Variants in SORCS3 observed in about 807,000 individuals in gnomAD.
The protein encoded by SORCS3 is VPS10 domain-containing receptor SorCS3.
A neutral mutation model predicts 146.3 loss-of-function variants in SORCS3; 57 were observed. The observed-to-expected ratio is 0.39, with a 90% CI of 0.31 to 0.49. The LOEUF is 0.49. Among genes scored for constraint, SORCS3 ranks in the 20% least tolerant of loss-of-function variants. The pLI, the probability that SORCS3 is intolerant of heterozygous loss-of-function variation, is 0.92. For missense variants in SORCS3, 1,341 were observed against 1,575.5 expected (o/e 0.85, Z 2.52); for synonymous variants, 653 against 618.5 (o/e 1.06, Z -0.83).
At chr10:105,121,123 A>G (rs1383925317) in intron 7 of SORCS3, among the ~76,000 whole-genome samples, 3 of 152,166 alleles carry the variant, frequency 2.0e-5, no homozygotes, top group African/African-American at 7.2e-5. Context: ...CTCTTTCACT[A>G]TTTGGAAATC....
At chr10:105,070,806 A>T (rs888926434) in intron 5 of SORCS3, among the ~76,000 whole-genome samples, 1 of 152,236 alleles carries the variant, frequency 6.6e-6, no homozygotes, top group African/African-American at 2.4e-5. Flanking sequence ...TAAAAATGGC[A>T]ATTTGTCAGG....
chr10:105,078,547 T>C (rs1266338535), intron 5 of SORCS3, among the ~76,000 whole-genome samples: 1 of 152,190 alleles, frequency 6.6e-6, no homozygotes, highest in Non-Finnish European at 1.5e-5. Flanking sequence ...TATTACTATC[T>C]CAAAGTTTGT....
chr10:104,795,699 A>G lies in SORCS3; in HGVS notation c.628-47093A>G, dbSNP rs2017546973. On this transcript the variant is annotated intron_variant, in intron 1 of 26. Transcript: ENST00000369701. Reference sequence around the variant, plus strand: ...CTAAGGGGCAGTAGCTTTCTTGTTGATAACCGCTAAGTTGGAGTTGGTGGT... The same window carrying G: ...CTAAGGGGCAGTAGCTTTCTTGTTGGTAACCGCTAAGTTGGAGTTGGTGGT... Among the ~76,000 whole-genome samples the G allele has an allele frequency of 3.3e-5, 5 of 152,216 alleles. No individual in the cohort carries two copies. In the South Asian group the frequency reaches 1.0e-3, roughly 32 times the overall value.
chr10:104,776,645 A>T (rs781137148), intron 1 of SORCS3, among the ~76,000 whole-genome samples: 1 of 152,014 alleles, frequency 6.6e-6, no homozygotes, highest in Non-Finnish European at 1.5e-5. Context: ...TTGTCTATTT[A>T]TCTTTTCTTA....
intron 2 of SORCS3, among the ~76,000 whole-genome samples, chr10:104,906,955 C>T (rs943861094): frequency 2.0e-5 from 3 of 152,110 alleles, no homozygotes; most frequent in African/African-American, 7.2e-5. Flanking sequence ...TATATATTTT[C>T]CACTAGATTT....
intron 1 of SORCS3, 68 bp downstream of exon 1, chr10:104,642,022 G>GGGGGGGGCGCCCCCC: frequency 5.8e-6 from 1 of 173,336 alleles, no homozygotes; most frequent in Non-Finnish European, 1.1e-5. Flanking sequence ...GGGTGGGTGG[G>GGGGGGGGCGCCCCCC]AGCGAGGGAC....
At chr10:105,251,981 A>C (rs1430097152) in intron 22 of SORCS3, among the ~76,000 whole-genome samples, 1 of 152,184 alleles carries the variant, frequency 6.6e-6, no homozygotes, top group Non-Finnish European at 1.5e-5. Context: ...ATGTTGTCTC[A>C]TAGTACTTAT....
chr10:104,768,707 C>T (rs2017211012), intron 1 of SORCS3, among the ~76,000 whole-genome samples: 2 of 152,138 alleles, frequency 1.3e-5, no homozygotes, highest in Admixed American at 6.5e-5. Context: ...ATTTTCTCTT[C>T]AGAAGCTTCA....
intron 3 of SORCS3, among the ~76,000 whole-genome samples, chr10:104,975,378 G>A (rs200444123): frequency 1.3e-5 from 2 of 151,968 alleles, no homozygotes; most frequent in Non-Finnish European, 2.9e-5. Flanking sequence ...TCTTCAAGGA[G>A]AACTACAAAC....
At chr10:104,990,813 A>T (rs1358822862) in intron 4 of SORCS3, among the ~76,000 whole-genome samples, 1 of 152,086 alleles carries the variant, frequency 6.6e-6, no homozygotes, top group East Asian at 1.9e-4. Flanking sequence ...AAAGGCAAGG[A>T]AATGGTTTTT....
chr10:104,798,788 G>A (rs1339033798), intron 1 of SORCS3, among the ~76,000 whole-genome samples: 1 of 152,054 alleles, frequency 6.6e-6, no homozygotes, highest in Non-Finnish European at 1.5e-5. Context: ...GAAAATTTTT[G>A]CAATCTATCC....
chr10:105,172,513 T>C (rs1043539583), intron 13 of SORCS3, among the ~76,000 whole-genome samples: 1 of 152,206 alleles, frequency 6.6e-6, no homozygotes, highest in Non-Finnish European at 1.5e-5. Flanking sequence ...TCTAACTACA[T>C]TCTGTCTAAT....
intron 14 of SORCS3, among the ~76,000 whole-genome samples, chr10:105,194,165 A>G (rs2056532295): frequency 1.3e-5 from 2 of 152,140 alleles, no homozygotes; most frequent in South Asian, 2.1e-4. Flanking sequence ...ATCTATATTT[A>G]TATATGAGGT....
chr10:105,222,664 G>A (rs2056710945), intron 19 of SORCS3, among the ~76,000 whole-genome samples: 1 of 152,158 alleles, frequency 6.6e-6, no homozygotes, highest in African/African-American at 2.4e-5. Flanking sequence ...AGATGATGAG[G>A]CACAATGGCC....
chr10:105,074,269 A>G (rs573214936), intron 5 of SORCS3, among the ~76,000 whole-genome samples: 235 of 152,306 alleles, frequency 1.5e-3, no homozygotes, highest in Non-Finnish European at 3.0e-3. Flanking sequence ...GCTGTCATTT[A>G]TCAGCTGCGG....
At chr10:104,941,186 C>T (rs2133618627) in intron 3 of SORCS3, among the ~76,000 whole-genome samples, 1 of 152,252 alleles carries the variant, frequency 6.6e-6, no homozygotes, top group South Asian at 2.1e-4. Flanking sequence ...TTGCATCCTG[C>T]TTTATCAGTG....
rs528962067 is a variant in SORCS3, at chr10:105,007,481, C to G, written c.954+29988C>G. Among the ~76,000 whole-genome samples the G allele has an allele frequency of 8.5e-5, 13 of 152,192 alleles. No individual in the cohort carries two copies. In the East Asian group the frequency reaches 2.5e-3, roughly 29 times the overall value. ...CTCATCCTCCTCCCAGAGAAACAAACAAACATAAGAAAACAGAATCCTAGA... is the reference window on the plus strand; with the variant it reads ...CTCATCCTCCTCCCAGAGAAACAAAGAAACATAAGAAAACAGAATCCTAGA... On this transcript the variant is annotated intron_variant, in intron 4 of 26. Transcript: ENST00000369701.
intron 2 of SORCS3, among the ~76,000 whole-genome samples, chr10:104,865,319 C>T (rs996321709): frequency 2.0e-5 from 3 of 152,126 alleles, no homozygotes; most frequent in Non-Finnish European, 2.9e-5. Context: ...TAGGAGGACT[C>T]GAGATGTTCA....
intron 3 of SORCS3, among the ~76,000 whole-genome samples, chr10:104,970,506 T>C (rs2054854699): frequency 6.6e-6 from 1 of 152,208 alleles, no homozygotes; most frequent in Non-Finnish European, 1.5e-5. Flanking sequence ...TCCTCAGGTT[T>C]TCTCAAGGGC....
Sources: gnomAD v4.1 joint callset for allele counts (sites outside exome capture counted in the v4.1 genomes callset) on GRCh38, gnomAD v4.1.1 for gene constraint, MANE v1.5 for transcripts, NCBI Gene and HGNC (gene_info 2026-07-23, HGNC 2026-07-21) for gene names.